The following PARP6 variants were observed in gnomAD, a reference collection of about 807,000 sequenced individuals.
The protein encoded by PARP6 is poly(ADP-ribose) polymerase family member 6.
Under a neutral mutation model 92.0 loss-of-function variants are expected in PARP6, and 27 were observed. That is an observed-to-expected ratio of 0.29 (90% CI 0.22 to 0.40). The LOEUF (loss-of-function observed/expected upper bound fraction) is 0.40, where lower values mean the gene tolerates loss of function less well. PARP6 is among the 10% of genes least tolerant of loss of function. The pLI, the probability that PARP6 is intolerant of heterozygous loss-of-function variation, is 1.00. For synonymous variants in PARP6, 272 were observed against 281.2 expected (o/e 0.97, Z 0.33); for missense variants, 501 against 784.5 (o/e 0.64, Z 4.32).
chr15:72,245,640 A>C (rs766400755), intron 20 of PARP6: 3 of 152,250 alleles, frequency 2.0e-5, no homozygotes, highest in Non-Finnish European at 4.4e-5. Flanking sequence ...AAGGGATTAA[A>C]TTAGATGATC....
intron 20 of PARP6, among the ~76,000 whole-genome samples, chr15:72,247,507 T>C (rs1245928013): frequency 6.6e-6 from 1 of 152,138 alleles, no homozygotes; most frequent in Non-Finnish European, 1.5e-5. Flanking sequence ...AATTTATCAA[T>C]CTTTTATGAT....
chr15:72,253,581 T>A, intron 15 of PARP6, 77 bp from the exon 16 acceptor site: 1 of 1,254,958 alleles, frequency 8.0e-7, no homozygotes, highest in Non-Finnish European at 1.2e-6. Context: ...ACAGAGTGAC[T>A]ATTAGGGTCC....
chr15:72,265,148 C>A lies in PARP6; in HGVS notation c.261G>T (p.Lys87Asn). 1.2e-6 allele frequency: 2 copies of A among 1,612,792 alleles called. No homozygotes were observed. The highest frequency in any genetic ancestry group is 1.7e-6 in the Non-Finnish European group (2 of 1,178,908). Residue 87 changes from lysine (K) to asparagine (N), a missense_variant, in exon 7 of 24, where the codon AAG (lysine) becomes AAT (asparagine). By Grantham distance (94) the Lys-to-Asn change is moderately conservative. This residue lies in a region of PARP6 where 291 missense variants were observed against 352.0 expected (regional missense o/e 0.83). Transcript: ENST00000569795. ...ACACAATAGGTTCTGTCCGGAGGACCTTCCAGGCTGTAGAGACTTCCTCCT... is the reference window on the plus strand; with the variant it reads ...ACACAATAGGTTCTGTCCGGAGGACATTCCAGGCTGTAGAGACTTCCTCCT... Reference protein sequence around the residue: ...FLDEEVSTAWKVLRTEPIVLR... With the variant: ...FLDEEVSTAWNVLRTEPIVLR...
intron 20 of PARP6, chr15:72,245,276 T>C (rs2083468962): frequency 6.6e-6 from 1 of 152,192 alleles, no homozygotes; most frequent in Admixed American, 6.5e-5. Flanking sequence ...GGCAGGAGAA[T>C]GGCGTGAACC....
chr15:72,262,622 C>T lies in PARP6; in HGVS notation c.396-915G>A, dbSNP rs530876479. ...TGTTTCTATGTTGTTGCCAACCACT[C>T]ACCTCCAAACTTTCTGTATTCTGGT... On this transcript the variant is annotated intron_variant, in intron 8 of 23. Transcript: ENST00000569795. 3.3e-5 allele frequency among the ~76,000 whole-genome samples: 5 copies of T among 152,308 alleles called. No homozygotes were observed. The East Asian group carries it at 9.7e-4, about 29-fold the overall frequency.
chr15:72,265,572 A>T, intron 5 of PARP6, 99 bp from the exon 6 acceptor site: 2 of 928,152 alleles, frequency 2.2e-6, no homozygotes, highest in Non-Finnish European at 3.6e-6. Context: ...GACAGGGGAA[A>T]GGGAAGAGTG....
At chr15:72,253,166 C>A (rs1443978425) in intron 16 of PARP6, among the ~76,000 whole-genome samples, 1 of 102,460 alleles carries the variant, frequency 9.8e-6, no homozygotes, top group Admixed American at 1.1e-4. Flanking sequence ...CAGAGTGAGA[C>A]CCTATCTCAA....
intron 15 of PARP6, chr15:72,253,832 T>C: frequency 2.0e-6 from 1 of 496,702 alleles, no homozygotes; most frequent in Non-Finnish European, 3.9e-6. Flanking sequence ...TAAGGAATCC[T>C]GTGGTAAATC....
intron 16 of PARP6, among the ~76,000 whole-genome samples, 157 bp downstream of exon 16, chr15:72,253,280 G>C (rs2084621482): frequency 6.6e-6 from 1 of 152,016 alleles, no homozygotes; most frequent in Admixed American, 6.5e-5. Context: ...TTATTTTCAA[G>C]GCAAGGTATG....
At chr15:72,257,121 C>T (rs568176372) in intron 13 of PARP6, among the ~76,000 whole-genome samples, 1 of 152,282 alleles carries the variant, frequency 6.6e-6, no homozygotes, top group East Asian at 1.9e-4. Context: ...AAAATTTTGT[C>T]TATAAATAAT....
intron 10 of PARP6, 58 bp from the exon 11 acceptor site, chr15:72,259,719 G>A (rs2085606830): frequency 6.9e-7 from 1 of 1,457,752 alleles, no homozygotes. Context: ...GGCCTAGACA[G>A]ACCTGACTCT....
chr15:72,268,271 G>A (rs1343203580), intron 2 of PARP6, among the ~76,000 whole-genome samples: 1 of 152,160 alleles, frequency 6.6e-6, no homozygotes, highest in Non-Finnish European at 1.5e-5. Context: ...AAGTGATGGT[G>A]GCAGGACAAG....
intron 1 of PARP6, among the ~76,000 whole-genome samples, chr15:72,271,855 C>T (rs2087483748): frequency 6.6e-6 from 1 of 152,266 alleles, no homozygotes; most frequent in East Asian, 1.9e-4. Flanking sequence ...TGAGTTTCCA[C>T]GAGAATAAGT....
At position 72,241,870 on chromosome 15, in the gene PARP6, G is replaced by C. The variant is rs776419660; in HGVS notation, c.1790+31C>G. The C allele has an allele frequency of 7.3e-6, 11 of 1,515,232 alleles. No individual in the cohort carries two copies. Among genetic ancestry groups the C allele is most frequent in the Non-Finnish European group, 1.0e-5 (11 of 1,090,402 alleles). 93.9% of individuals were successfully genotyped at this position (1,515,232 alleles called of 1,614,324 possible). A position where few individuals can be genotyped will look rare whatever the true frequency, so the allele number is the denominator to read the frequency against. On this transcript the variant is annotated intron_variant, in intron 23 of 23. Coordinates refer to ENST00000569795, the MANE Select transcript of PARP6 (RefSeq NM_001323532.2). This position sits in a 1 kb window ranked among gnomAD's most constrained non-coding sequence, Gnocchi z 4.1. ...CATCACACCCCCAACCTCACTCCTC[G>C]AGTAATCCCCAGAGTCCCTCCGACA...
intron 14 of PARP6, among the ~76,000 whole-genome samples, chr15:72,255,795 T>C (rs1348610060): frequency 2.0e-5 from 2 of 98,826 alleles, no homozygotes; most frequent in Admixed American, 1.0e-4. Flanking sequence ...TTTTTTTTTT[T>C]TTTTTTTTTT....
intron 12 of PARP6, 77 bp from the exon 13 acceptor site, chr15:72,257,517 C>G: frequency 9.0e-7 from 1 of 1,107,760 alleles, no homozygotes; most frequent in South Asian, 1.3e-5. Flanking sequence ...CAGTCCTAAC[C>G]TCAGACAACT....
chr15:72,264,682 G>A, intron 7 of PARP6, 61 bp from the exon 8 acceptor site: 1 of 1,322,714 alleles, frequency 7.6e-7, no homozygotes, highest in Non-Finnish European at 1.1e-6. Context: ...GGAGTCCAAA[G>A]CTCAGTGGAA....
In PARP6 at chr15:72,241,836, G is replaced by A. The variant is rs2083091238; in HGVS notation, c.1790+65C>T. 8.6e-6 allele frequency: 10 copies of A among 1,164,036 alleles called. 1 individual carries two copies. The South Asian group carries it at 1.2e-4, about 14-fold the overall frequency. The allele number at this position is 1,164,036 out of a possible 1,614,324, so 72.1% of individuals were successfully genotyped here. ...TAACAGAAATAGACTTTTCCCAGTA[G>A]CCACACACCATCACACCCCCAACCT... On this transcript the variant is annotated intron_variant, in intron 23 of 23. Coordinates refer to ENST00000569795, the MANE Select transcript of PARP6 (RefSeq NM_001323532.2). This position sits in a 1 kb window ranked among gnomAD's most constrained non-coding sequence, Gnocchi z 4.1.
intron 11 of PARP6, among the ~76,000 whole-genome samples, 155 bp downstream of exon 11, chr15:72,259,453 T>C (rs544994289): frequency 1.4e-4 from 21 of 152,362 alleles, no homozygotes; most frequent in Admixed American, 9.8e-4. Context: ...TGTCAGTTTC[T>C]TGAAGATGGG....
Sources: allele counts gnomAD v4.1 joint callset (sites outside exome capture counted in the v4.1 genomes callset), GRCh38; gene constraint gnomAD v4.1.1; regional missense constraint gnomAD v4.1.1; non-coding constraint Gnocchi (gnomAD v3.1); transcripts MANE v1.5; gene names NCBI Gene and HGNC (gene_info 2026-07-23, HGNC 2026-07-21).